The following PRKG1 variants were observed in gnomAD, a reference collection of about 807,000 sequenced individuals.
PRKG1 encodes cGMP-dependent protein kinase 1.
A neutral mutation model predicts 88.1 loss-of-function variants in PRKG1; 35 were observed. That is an observed-to-expected ratio of 0.40 (90% CI 0.30 to 0.53). PRKG1 has a LOEUF of 0.53. Among genes scored for constraint, PRKG1 ranks in the 20% least tolerant of loss-of-function variants. PRKG1 has a pLI of 0.59. For synonymous variants in PRKG1, 303 were observed against 292.5 expected, an observed-to-expected ratio of 1.04 and a Z score of -0.37; for missense variants, 540 against 839.8, an observed-to-expected ratio of 0.64 and a Z score of 4.41.
intron 2 of PRKG1, among the ~76,000 whole-genome samples, chr10:51,229,428 A>G (rs370810899): frequency 1.3e-5 from 2 of 152,174 alleles, no homozygotes; most frequent in African/African-American, 2.4e-5. Flanking sequence ...TTTAAGGACT[A>G]CTATTAGGCT....
At chr10:51,613,688 C>G (rs1048415318) in intron 3 of PRKG1, among the ~76,000 whole-genome samples, 1 of 151,660 alleles carries the variant, frequency 6.6e-6, no homozygotes, top group Admixed American at 6.6e-5. Flanking sequence ...TATGTTGTTT[C>G]CATTTTTATT....
At chr10:52,157,464 T>C (rs1235647588) in intron 8 of PRKG1, among the ~76,000 whole-genome samples, 1 of 150,982 alleles carries the variant, frequency 6.6e-6, no homozygotes, top group Non-Finnish European at 1.5e-5. Context: ...CATTTCTGTC[T>C]AGATGAAGTC....
intron 3 of PRKG1, among the ~76,000 whole-genome samples, chr10:51,589,698 G>A (rs898655761): frequency 2.0e-5 from 3 of 152,172 alleles, no homozygotes; most frequent in African/African-American, 7.2e-5. Flanking sequence ...TATTTACCAG[G>A]TTATGCACCT....
chr10:51,014,676 CAT>C (rs1289304398), intron 1 of PRKG1, among the ~76,000 whole-genome samples: 7 of 152,230 alleles, frequency 4.6e-5, no homozygotes, highest in Admixed American at 2.6e-4. Context: ...TCATTATACA[CAT>C]ATATATGTAT....
chr10:52,254,018 C>T lies in PRKG1; in HGVS notation c.1173+2352C>T, dbSNP rs530319985. 2.0e-3 allele frequency among the ~76,000 whole-genome samples: 297 copies of T among 152,050 alleles called. 1 individual carries two copies. The highest frequency in any genetic ancestry group is 3.4e-3 in the Middle Eastern group (1 of 294). On this transcript the variant is annotated intron_variant, in intron 10 of 17. Transcript: ENST00000373980. ...AATACCTTATTTTCCCAATTCTTGC[C>T]ACTTACTAATTGCCTGATAATATTA...
chr10:52,056,475 A>G (rs1564450000), intron 6 of PRKG1, among the ~76,000 whole-genome samples: 1 of 152,298 alleles, frequency 6.6e-6, no homozygotes, highest in South Asian at 2.1e-4. Flanking sequence ...AACCAGTTTC[A>G]GCTGAAGACA....
At chr10:52,158,828 A>G (rs1838197369) in intron 8 of PRKG1, among the ~76,000 whole-genome samples, 1 of 151,410 alleles carries the variant, frequency 6.6e-6, no homozygotes, top group African/African-American at 2.4e-5. Context: ...TTTATTTTGA[A>G]AATAAATTCT....
chr10:52,226,806 A>G (rs543069910), intron 9 of PRKG1, among the ~76,000 whole-genome samples: 2 of 151,904 alleles, frequency 1.3e-5, no homozygotes, highest in East Asian at 1.9e-4. Flanking sequence ...AAAAAAAAAT[A>G]TGGAAAACTT....
chr10:51,981,801 C>T (rs1026045500), intron 5 of PRKG1, among the ~76,000 whole-genome samples: 1 of 151,924 alleles, frequency 6.6e-6, no homozygotes, highest in Non-Finnish European at 1.5e-5. Flanking sequence ...TGGGGATGAT[C>T]TTCTCGTGAA....
intron 5 of PRKG1, among the ~76,000 whole-genome samples, chr10:52,026,377 T>G (rs1025933862): frequency 6.6e-6 from 1 of 152,186 alleles, no homozygotes; most frequent in Admixed American, 6.5e-5. Flanking sequence ...CTACCTGACT[T>G]AAAAAGAAGT....
At chr10:51,402,042 TC>T (rs2132669420) in intron 2 of PRKG1, among the ~76,000 whole-genome samples, 1 of 152,332 alleles carries the variant, frequency 6.6e-6, no homozygotes, top group South Asian at 2.1e-4. Context: ...AGAGGTCCAC[TC>T]TTTTTCTAAA....
intron 5 of PRKG1, among the ~76,000 whole-genome samples, chr10:51,951,747 A>G (rs1843190690): frequency 6.6e-6 from 1 of 152,190 alleles, no homozygotes; most frequent in Non-Finnish European, 1.5e-5. Context: ...TTGGGGAAAT[A>G]ATTTTCTATC....
At chr10:52,159,951 T>TTTTG (rs1472767028) in intron 8 of PRKG1, among the ~76,000 whole-genome samples, 1 of 151,930 alleles carries the variant, frequency 6.6e-6, no homozygotes, top group Non-Finnish European at 1.5e-5. Context: ...ATGTTTTGGA[T>TTTTG]TTTGTTGTAT....
At chr10:51,825,580 G>A (rs1839863223) in intron 4 of PRKG1, among the ~76,000 whole-genome samples, 1 of 152,130 alleles carries the variant, frequency 6.6e-6, no homozygotes, top group African/African-American at 2.4e-5. Flanking sequence ...TCCGTGGTCT[G>A]TTCCTGCCAG....
intron 5 of PRKG1, among the ~76,000 whole-genome samples, chr10:51,950,011 G>C (rs1264316549): frequency 6.6e-6 from 1 of 152,154 alleles, no homozygotes; most frequent in Non-Finnish European, 1.5e-5. Context: ...TCTTTATTGA[G>C]CTTCCTGTCA....
At chr10:51,920,922 T>C (rs953550573) in intron 5 of PRKG1, among the ~76,000 whole-genome samples, 3 of 152,114 alleles carry the variant, frequency 2.0e-5, no homozygotes, top group Admixed American at 6.6e-5. Flanking sequence ...TTTTAACATG[T>C]TGCACTGGTG....
chr10:51,768,692 T>C (rs1838230742), intron 3 of PRKG1, among the ~76,000 whole-genome samples: 1 of 152,138 alleles, frequency 6.6e-6, no homozygotes, highest in Non-Finnish European at 1.5e-5. Context: ...TATAATGTAT[T>C]TAAAAGATGA....
chr10:51,488,049 AC>A, intron 3 of PRKG1, among the ~76,000 whole-genome samples: 1 of 152,286 alleles, frequency 6.6e-6, no homozygotes, highest in Middle Eastern at 3.4e-3. Context: ...AAATGAGACT[AC>A]ATTTTAATCA....
Position 52,280,744 on chromosome 10 carries a change from G to T in PRKG1, c.1404-45G>T, listed in dbSNP as rs779208675. 3 of 1,579,962 alleles carry T rather than the reference G, an allele frequency of 1.9e-6. No homozygotes were observed. The South Asian group carries it at 3.5e-5, about 18-fold the overall frequency. On this transcript the variant is annotated intron_variant, in intron 12 of 17. Transcript: ENST00000373980. ...AAAAAAAAAATAAAGCCATATTACA[G>T]AAATTAATTTTTTATACAATTTTCA...
Sources: gnomAD v4.1 joint callset for allele counts (sites outside exome capture counted in the v4.1 genomes callset) on GRCh38, gnomAD v4.1.1 for gene constraint, MANE v1.5 for transcripts, NCBI Gene and HGNC (gene_info 2026-07-23, HGNC 2026-07-21) for gene names.